MDGA2: variants seen among roughly 807,000 people sequenced by gnomAD.
MDGA2 encodes the protein MAM domain-containing glycosylphosphatidylinositol anchor protein 2.
A neutral mutation model predicts 117.8 loss-of-function variants in MDGA2; 40 were observed. That is an observed-to-expected ratio of 0.34 (90% CI 0.26 to 0.44). MDGA2 has a LOEUF of 0.44. Among genes scored for constraint, MDGA2 ranks in the 20% least tolerant of loss-of-function variants. MDGA2 has a pLI of 1.00. For synonymous variants in MDGA2, 452 were observed against 439.0 expected, an observed-to-expected ratio of 1.03 and a Z score of -0.37; for missense variants, 1,123 against 1,250.6, an observed-to-expected ratio of 0.90 and a Z score of 1.54.
chr14:47,660,421 C>A (rs1411712216), intron 1 of MDGA2, among the ~76,000 whole-genome samples: 1 of 152,164 alleles, frequency 6.6e-6, no homozygotes, highest in Non-Finnish European at 1.5e-5. Flanking sequence ...GGAAAAATGA[C>A]TTTTATAGTG....
intron 1 of MDGA2, among the ~76,000 whole-genome samples, chr14:47,313,244 T>A (rs1889700077): frequency 6.6e-6 from 1 of 151,986 alleles, no homozygotes; most frequent in Non-Finnish European, 1.5e-5. Flanking sequence ...AACACATGGA[T>A]CGGTGCCTTT....
chr14:46,872,436 G>T (rs1040903719), intron 14 of MDGA2, among the ~76,000 whole-genome samples: 2 of 151,722 alleles, frequency 1.3e-5, no homozygotes, highest in Non-Finnish European at 2.9e-5. Flanking sequence ...TATTGATGCA[G>T]TGACTCATTC....
chr14:47,612,209 C>CAGATAGAT (rs3985115), intron 1 of MDGA2, among the ~76,000 whole-genome samples: 19,216 of 145,670 alleles, frequency 0.13, 1,331 homozygotes, highest in Non-Finnish European at 0.15. Flanking sequence ...GATAGATAGA[C>CAGATAGAT]AGATAGATAG....
chr14:47,088,300 C>T (rs996664388), intron 6 of MDGA2, among the ~76,000 whole-genome samples: 1 of 151,986 alleles, frequency 6.6e-6, no homozygotes, highest in African/African-American at 2.4e-5. Flanking sequence ...ATAACATTCT[C>T]TCTGGTGTTT....
intron 1 of MDGA2, among the ~76,000 whole-genome samples, chr14:47,501,526 A>G (rs1165653865): frequency 6.6e-6 from 1 of 152,174 alleles, no homozygotes; most frequent in Non-Finnish European, 1.5e-5. Flanking sequence ...GATATATTTG[A>G]GTCCTAACTC....
intron 10 of MDGA2, among the ~76,000 whole-genome samples, chr14:46,909,143 G>A (rs915660677): frequency 6.6e-6 from 1 of 152,092 alleles, no homozygotes; most frequent in South Asian, 2.1e-4. Flanking sequence ...CCTATCTCAT[G>A]TACACATAAT....
chr14:47,600,764 T>G (rs1594937995), intron 1 of MDGA2, among the ~76,000 whole-genome samples: 1 of 151,326 alleles, frequency 6.6e-6, no homozygotes, highest in East Asian at 2.0e-4. Context: ...GCACTTCAAT[T>G]ATCAATCCAT....
intron 6 of MDGA2, among the ~76,000 whole-genome samples, chr14:47,077,002 G>T (rs1316580187): frequency 6.6e-6 from 1 of 151,892 alleles, no homozygotes; most frequent in Non-Finnish European, 1.5e-5. Context: ...TTGCAGCAAA[G>T]TTAAAACTTG....
intron 6 of MDGA2, among the ~76,000 whole-genome samples, chr14:47,072,553 A>C (rs1890331655): frequency 6.6e-6 from 1 of 152,186 alleles, no homozygotes; most frequent in African/African-American, 2.4e-5. Context: ...TGATAGTGAT[A>C]GTTTAAAGTA....
At chr14:47,441,008 A>G (rs1459394939) in intron 1 of MDGA2, among the ~76,000 whole-genome samples, 1 of 152,120 alleles carries the variant, frequency 6.6e-6, no homozygotes, top group African/African-American at 2.4e-5. Context: ...ATTACAATAC[A>G]GTAAGAGTGA....
At chr14:47,477,871 C>G (rs34726092) in intron 1 of MDGA2, among the ~76,000 whole-genome samples, 29,529 of 152,146 alleles carry the variant, frequency 0.19, 3,529 homozygotes, top group East Asian at 0.53. Context: ...AAGCAAACCT[C>G]TTTCTTTTAT....
rs570720890 is a variant in MDGA2, at chr14:47,198,183, C to T, written c.595+19838G>A. Among the ~76,000 whole-genome samples the T allele has an allele frequency of 2.0e-5, 3 of 152,274 alleles. No homozygotes were observed. In the Middle Eastern group the frequency reaches 0.01, roughly 521 times the overall value. Reference sequence around the variant, plus strand: ...TTACTTTTGTGTGACCTAGTCAAAACAAACTGGTCAAAACAGCAATTTGTT... The same window carrying T: ...TTACTTTTGTGTGACCTAGTCAAAATAAACTGGTCAAAACAGCAATTTGTT... On this transcript the variant is annotated intron_variant, in intron 3 of 16. Coordinates refer to ENST00000399232, the MANE Select transcript of MDGA2 (RefSeq NM_001113498.3).
chr14:46,972,293 A>G (rs771022677), intron 8 of MDGA2, among the ~76,000 whole-genome samples: 4 of 152,190 alleles, frequency 2.6e-5, no homozygotes, highest in Non-Finnish European at 5.9e-5. Flanking sequence ...TTGGTGTCAG[A>G]AAGAACAAAA....
At chr14:47,617,869 C>A (rs1353091032) in intron 1 of MDGA2, among the ~76,000 whole-genome samples, 4 of 152,052 alleles carry the variant, frequency 2.6e-5, no homozygotes, top group Admixed American at 2.0e-4. Flanking sequence ...GTTCACTGTA[C>A]ATAAATGAGT....
intron 1 of MDGA2, among the ~76,000 whole-genome samples, chr14:47,438,733 T>C (rs1336606059): frequency 6.6e-6 from 1 of 152,142 alleles, no homozygotes; most frequent in Admixed American, 6.5e-5. Context: ...TTCATTAGCA[T>C]GGGCCAGGGT....
intron 8 of MDGA2, among the ~76,000 whole-genome samples, chr14:47,027,261 G>A (rs1429077698): frequency 6.6e-6 from 1 of 152,016 alleles, no homozygotes; most frequent in Non-Finnish European, 1.5e-5. Context: ...ATGGTATTAT[G>A]GAAATGATAT....
At chr14:46,871,051 T>C (rs1881974777) in intron 14 of MDGA2, 1 of 151,700 alleles carries the variant, frequency 6.6e-6, no homozygotes, top group East Asian at 1.9e-4. Flanking sequence ...GGAAACAGAG[T>C]ATACATTATT....
In MDGA2 at chr14:47,221,041, G is replaced by T. The variant is rs1286133317; in HGVS notation, c.421-2846C>A. Among the ~76,000 whole-genome samples the T allele has an allele frequency of 3.9e-5, 6 of 152,272 alleles. No individual in the cohort carries two copies. The East Asian group carries it at 1.2e-3, about 29-fold the overall frequency. ...GATATAGAAAAGCATATTGTGGTGG[G>T]CAGTTAATAGATATTCATTTAATGA... On this transcript the variant is annotated intron_variant, in intron 2 of 16. Transcript: ENST00000399232.
chr14:47,383,207 G>T (rs1891676468), intron 1 of MDGA2, among the ~76,000 whole-genome samples: 1 of 152,112 alleles, frequency 6.6e-6, no homozygotes, highest in African/African-American at 2.4e-5. Context: ...CCTGTCAGGG[G>T]ATGGGGGAGG....
Sources: gnomAD v4.1 joint callset for allele counts (sites outside exome capture counted in the v4.1 genomes callset) on GRCh38, gnomAD v4.1.1 for gene constraint, MANE v1.5 for transcripts, NCBI Gene and HGNC (gene_info 2026-07-23, HGNC 2026-07-21) for gene names.